PRR16: variants seen among roughly 807,000 people sequenced by gnomAD.
PRR16 encodes proline rich 16, also known as protein Largen.
Under a neutral mutation model 18.2 loss-of-function variants are expected in PRR16, and 6 were observed. The observed-to-expected ratio is 0.33, with a 90% confidence interval of 0.18 to 0.65. The LOEUF (loss-of-function observed/expected upper bound fraction) is 0.65, where lower values mean the gene tolerates loss of function less well. Ranked by LOEUF, PRR16 falls within the 30% of genes least tolerant of loss-of-function variation. The pLI, the probability that PRR16 is intolerant of heterozygous loss-of-function variation, is 0.74. For synonymous variants in PRR16, 151 were observed against 147.8 expected (o/e 1.02, Z -0.16); for missense variants, 412 against 376.6 (o/e 1.09, Z -0.78).
chr5:120,699,069 C>A, the PRR16 span, among the ~76,000 whole-genome samples: 1 of 151,992 alleles, frequency 6.6e-6, no homozygotes, highest in Non-Finnish European at 1.5e-5. Context: ...TATTTTAGTT[C>A]CCTGACTCGG....
chr5:120,549,164 C>G (rs961115920), intron 1 of PRR16, among the ~76,000 whole-genome samples: 1 of 152,032 alleles, frequency 6.6e-6, no homozygotes, highest in Admixed American at 6.6e-5. Flanking sequence ...GGGGTGAATA[C>G]TGCTCCCTGC....
intron 1 of PRR16, among the ~76,000 whole-genome samples, chr5:120,671,687 A>G (rs959030827): frequency 2.6e-5 from 4 of 152,168 alleles, no homozygotes; most frequent in African/African-American, 7.2e-5. Context: ...TGTCATTTTA[A>G]TGTAAATGTA....
chr5:120,734,335 C>T, the PRR16 span, among the ~76,000 whole-genome samples: 1 of 151,950 alleles, frequency 6.6e-6, no homozygotes, highest in African/African-American at 2.4e-5. Context: ...CTCTCTCTCT[C>T]TCTGTGTGTG....
the PRR16 span, among the ~76,000 whole-genome samples, chr5:120,752,837 T>C: frequency 6.6e-6 from 1 of 151,788 alleles, no homozygotes; most frequent in African/African-American, 2.4e-5. Context: ...AATGAAAAAA[T>C]GAAAGTTGAA....
At chr5:120,607,952 C>A (rs556649652) in intron 1 of PRR16, among the ~76,000 whole-genome samples, 1 of 152,110 alleles carries the variant, frequency 6.6e-6, no homozygotes, top group East Asian at 1.9e-4. Context: ...TCTTTTATAT[C>A]TTTGAATCAC....
chr5:120,757,647 T>TAAAC, the PRR16 span, among the ~76,000 whole-genome samples: 1 of 152,110 alleles, frequency 6.6e-6, no homozygotes, highest in African/African-American at 2.4e-5. Context: ...CAAATATTTC[T>TAAAC]AAACACAGAA....
At chr5:120,724,429 A>G in the PRR16 span, among the ~76,000 whole-genome samples, 1 of 152,024 alleles carries the variant, frequency 6.6e-6, no homozygotes, top group African/African-American at 2.4e-5. Context: ...TCTATTCCTA[A>G]GGGTTGCTGA....
chr5:120,667,136 A>G (rs975027039), intron 1 of PRR16, among the ~76,000 whole-genome samples: 6 of 152,030 alleles, frequency 3.9e-5, no homozygotes, highest in African/African-American at 9.7e-5. Context: ...ACAATTTCCG[A>G]TCCTGTTATT....
At chr5:120,495,518 G>T (rs1750215492) in intron 1 of PRR16, among the ~76,000 whole-genome samples, 1 of 152,046 alleles carries the variant, frequency 6.6e-6, no homozygotes, top group African/African-American at 2.4e-5. Flanking sequence ...ATTCAAAATA[G>T]TGCTCAGCAC....
chr5:120,617,809 G>A (rs1420359607), intron 1 of PRR16, among the ~76,000 whole-genome samples: 1 of 152,024 alleles, frequency 6.6e-6, no homozygotes. Context: ...CATAATCTTG[G>A]TTATGCCATA....
intron 1 of PRR16, among the ~76,000 whole-genome samples, chr5:120,551,049 T>C (rs929880326): frequency 2.6e-5 from 4 of 151,674 alleles, no homozygotes; most frequent in Non-Finnish European, 4.4e-5. Context: ...GTGTGTGTGA[T>C]GAGAATATGG....
At chr5:120,785,441 T>C in the PRR16 span, among the ~76,000 whole-genome samples, 2 of 152,124 alleles carry the variant, frequency 1.3e-5, no homozygotes, top group Non-Finnish European at 2.9e-5. Flanking sequence ...TGCCTTTCAT[T>C]TTCTTTTGTT....
intron 1 of PRR16, among the ~76,000 whole-genome samples, chr5:120,510,879 C>T (rs531729372): frequency 5.9e-5 from 9 of 152,254 alleles, no homozygotes; most frequent in African/African-American, 2.2e-4. Flanking sequence ...GACTGTGTTT[C>T]TTTCATCTGA....
Position 120,686,400 on chromosome 5 carries a change from A to C in PRR16, c.606A>C (p.Arg202=). The change falls in exon 2 of 2, where the codon CGA becomes CGC. Residue 202 remains arginine (R), a synonymous_variant. Transcript: ENST00000407149. The stretch of plus-strand genomic sequence containing the variant: ...ACAGATGTCCCCAGGCAGGGCCTCG[A>C]GAACGAGTTCGGTTTAATGAAAAAG... The part of the protein sequence containing the change: ...EKDRCPQAGP[R]ERVRFNEKVQ... 2.5e-6 allele frequency: 4 copies of C among 1,614,190 alleles called. No homozygotes were observed. Among genetic ancestry groups the C allele is most frequent in the Non-Finnish European group, 3.4e-6 (4 of 1,180,020 alleles).
At chr5:120,646,046 TTTTATATATA>T (rs1755584363) in intron 1 of PRR16, among the ~76,000 whole-genome samples, 1 of 9,006 alleles carries the variant, frequency 1.1e-4, no homozygotes, top group Non-Finnish European at 4.0e-4. Context: ...AAAATACATA[TTTTATATATA>T]TATATATATA....
intron 1 of PRR16, among the ~76,000 whole-genome samples, chr5:120,684,808 C>T (rs1757071243): frequency 6.6e-6 from 1 of 152,200 alleles, no homozygotes; most frequent in African/African-American, 2.4e-5. Flanking sequence ...CTCCTTAGAA[C>T]TGCATTGTCT....
intron 1 of PRR16, among the ~76,000 whole-genome samples, chr5:120,468,157 G>A (rs1749162500): frequency 6.6e-6 from 1 of 152,076 alleles, no homozygotes; most frequent in South Asian, 2.1e-4. Flanking sequence ...TAGTAGTATG[G>A]CAAGTCTTTG....
intron 1 of PRR16, among the ~76,000 whole-genome samples, chr5:120,540,457 TCTC>T (rs1474920970): frequency 2.6e-5 from 4 of 152,232 alleles, no homozygotes; most frequent in African/African-American, 9.6e-5. Flanking sequence ...TGGCCGGGCC[TCTC>T]TTAACCAGGT....
intron 1 of PRR16, among the ~76,000 whole-genome samples, chr5:120,673,140 T>C (rs988205461): frequency 4.6e-5 from 7 of 152,254 alleles, no homozygotes; most frequent in Admixed American, 3.3e-4. Context: ...CTAAAACTTA[T>C]AGACAAGTAA....
Sources: allele counts gnomAD v4.1 joint callset (sites outside exome capture counted in the v4.1 genomes callset), GRCh38; gene constraint gnomAD v4.1.1; transcripts MANE v1.5; gene names NCBI Gene and HGNC (gene_info 2026-07-23, HGNC 2026-07-21).